Variants in PROM1 observed in about 807,000 individuals in gnomAD.
PROM1 encodes prominin-1.
In PROM1, 105 loss-of-function variants were observed where a neutral mutation model predicts 116.9. The observed-to-expected ratio is 0.90, with a 90% confidence interval of 0.77 to 1.06. The LOEUF is 1.06. PROM1 is among the 50% of genes least tolerant of loss of function. The pLI, the probability that PROM1 is intolerant of heterozygous loss-of-function variation, is 0.00. For missense variants in PROM1, 1,122 were observed against 1,045.2 expected, an observed-to-expected ratio of 1.07 and a Z score of -1.01; for synonymous variants, 393 against 387.0, an observed-to-expected ratio of 1.02 and a Z score of -0.18.
intron 13 of PROM1, among the ~76,000 whole-genome samples, chr4:16,001,669 T>TTGAAACAAGTGCAGTCATG (rs1723887224): frequency 6.6e-6 from 1 of 152,062 alleles, no homozygotes; most frequent in Non-Finnish European, 1.5e-5. Context: ...CACTGCCAAC[T>TTGAAACAAGTGCAGTCATG]TGAAACAAGT....
intron 2 of PROM1, among the ~76,000 whole-genome samples, chr4:16,044,855 C>T (rs1736146558): frequency 6.6e-6 from 1 of 152,042 alleles, no homozygotes; most frequent in Admixed American, 6.6e-5. Flanking sequence ...GTAGGCAAAC[C>T]AAGTAGAACT....
intron 18 of PROM1, among the ~76,000 whole-genome samples, chr4:15,991,003 A>T (rs545496518): frequency 6.6e-5 from 10 of 152,190 alleles, no homozygotes; most frequent in Non-Finnish European, 1.3e-4. Flanking sequence ...CCTGCCCTGC[A>T]TCAACCCGAC....
intron 2 of PROM1, among the ~76,000 whole-genome samples, chr4:16,039,883 C>CT (rs2149413354): frequency 6.6e-6 from 1 of 152,202 alleles, no homozygotes; most frequent in Admixed American, 6.5e-5. Context: ...CCAAAAAAGA[C>CT]TAAGAGCCAC....
chr4:16,048,605 C>T (rs911826917), intron 2 of PROM1, among the ~76,000 whole-genome samples: 2 of 151,994 alleles, frequency 1.3e-5, no homozygotes, highest in Non-Finnish European at 2.9e-5. Flanking sequence ...AAGTTGAACA[C>T]CTTTAGGGTA....
chr4:16,062,171 G>A (rs185364165), intron 2 of PROM1, among the ~76,000 whole-genome samples: 23 of 152,200 alleles, frequency 1.5e-4, no homozygotes, highest in African/African-American at 4.1e-4. Flanking sequence ...GATTACAGGC[G>A]TGAGCCACCG....
chr4:15,975,980 G>GA (rs533411571), intron 26 of PROM1, among the ~76,000 whole-genome samples: 107 of 152,240 alleles, frequency 7.0e-4, no homozygotes, highest in South Asian at 1.5e-3. Context: ...ATAGAAAGTA[G>GA]AAAAAAATTC....
chr4:16,053,199 G>C (rs1258965685), intron 2 of PROM1, among the ~76,000 whole-genome samples: 1 of 152,206 alleles, frequency 6.6e-6, no homozygotes, highest in Non-Finnish European at 1.5e-5. Context: ...AATCCAGGTA[G>C]AGAATAAGCA....
chr4:16,000,075 T>C (rs534027500), intron 14 of PROM1, among the ~76,000 whole-genome samples: 2 of 152,194 alleles, frequency 1.3e-5, no homozygotes, highest in Non-Finnish European at 2.9e-5. Context: ...CCTTCAAATA[T>C]AGGGCTCATC....
chr4:16,061,926 C>G (rs1189674639), intron 2 of PROM1, among the ~76,000 whole-genome samples: 1 of 132,850 alleles, frequency 7.5e-6, no homozygotes, highest in African/African-American at 2.9e-5. Context: ...GAGTCTCGCT[C>G]TGTCGCCCAG....
At chr4:15,980,235 A>C in intron 24 of PROM1, 187 bp downstream of exon 24, 1 of 662,860 alleles carries the variant, frequency 1.5e-6, no homozygotes, top group Non-Finnish European at 2.7e-6. Context: ...AAAGTAGTTA[A>C]AACAAGTATA....
rs117679739 is a variant in PROM1 at position 15,986,132 on chromosome 4, G to C, written c.2131-95C>G. 4,253 of 856,950 alleles carry C rather than the reference G, an allele frequency of 5.0e-3. 167 individuals carry two copies. In the East Asian group the frequency reaches 0.097, roughly 20 times the overall value. The allele number at this position is 856,950 out of a possible 1,614,324, so 53.1% of individuals were successfully genotyped here. A position where few individuals can be genotyped will look rare whatever the true frequency, so the allele number is the denominator to read the frequency against. On this transcript the variant is annotated intron_variant, in intron 20 of 27. Transcript: ENST00000447510. ...GATTCAAGTACTGTAACTCAGCTCT[G>C]CAACACCACGACCTGGACCTGCTAG...
chr4:16,077,349 C>T (rs563195399), intron 1 of PROM1, among the ~76,000 whole-genome samples: 44 of 152,288 alleles, frequency 2.9e-4, no homozygotes, highest in African/African-American at 9.9e-4. Context: ...TTTACCTTGT[C>T]TATGATGCAG....
At position 16,024,296 on chromosome 4, in the gene PROM1, G is replaced by T; in HGVS notation, c.693C>A (p.Asn231Lys). Reference protein sequence around the residue: ...TTKDKAFTDLNSINSVLGGGI... With the variant: ...TTKDKAFTDLKSINSVLGGGI... The stretch of plus-strand genomic sequence containing the variant: ...GAAGCAACTTTAAATTTTACTCACT[G>T]TTCAGATCTGTGAACGCCTTGTCCT... Residue 231 changes from asparagine (N) to lysine (K), a missense_variant and splice_region_variant, in exon 7 of 28, where the codon AAC (asparagine) becomes AAA (lysine). Physicochemically the swap from Asn to Lys is moderately conservative, Grantham distance 94 (BLOSUM62 0). Transcript: ENST00000447510. 1 of 1,612,440 alleles carries T rather than the reference G, an allele frequency of 6.2e-7. No homozygotes were observed.
chr4:15,994,132 C>G, intron 15 of PROM1, 61 bp from the exon 16 acceptor site: 1 of 1,605,622 alleles, frequency 6.2e-7, no homozygotes, highest in Non-Finnish European at 8.5e-7. Context: ...CTCTGTCCAC[C>G]ACTGAAGATG....
intron 9 of PROM1, among the ~76,000 whole-genome samples, chr4:16,018,034 G>A (rs543071814): frequency 2.6e-5 from 4 of 152,046 alleles, no homozygotes; most frequent in African/African-American, 9.7e-5. Context: ...ATTCTTAAAG[G>A]TCTACATGAA....
intron 2 of PROM1, among the ~76,000 whole-genome samples, chr4:16,067,575 G>A (rs982550458): frequency 2.6e-5 from 4 of 152,242 alleles, no homozygotes; most frequent in African/African-American, 9.6e-5. Context: ...TGACATGGAG[G>A]AGGAAGGATC....
chr4:15,980,323 A>T, intron 24 of PROM1, 99 bp downstream of exon 24: 1 of 881,882 alleles, frequency 1.1e-6, no homozygotes, highest in Non-Finnish European at 1.8e-6. Flanking sequence ...AAAAAAAAGA[A>T]ATCAACTTTA....
At chr4:16,056,274 C>A (rs1428724592) in intron 2 of PROM1, among the ~76,000 whole-genome samples, 5 of 152,112 alleles carry the variant, frequency 3.3e-5, no homozygotes, top group African/African-American at 4.8e-5. Context: ...TTCCACCAAA[C>A]AACAACCATG....
chr4:16,080,598 C>T (rs964992818), intron 1 of PROM1: 5 of 152,160 alleles, frequency 3.3e-5, no homozygotes, highest in African/African-American at 9.7e-5. Context: ...GATGGAACTT[C>T]TCAGAATCTT....
Sources: allele counts gnomAD v4.1 joint callset (sites outside exome capture counted in the v4.1 genomes callset), GRCh38; gene constraint gnomAD v4.1.1; transcripts MANE v1.5; gene names NCBI Gene and HGNC (gene_info 2026-07-23, HGNC 2026-07-21).